MBNL2: variants seen among roughly 807,000 people sequenced by gnomAD.
MBNL2 encodes the protein muscleblind-like protein 2.
Under a neutral mutation model 41.9 loss-of-function variants are expected in MBNL2, and 17 were observed. The observed-to-expected ratio is 0.41, with a 90% CI of 0.28 to 0.61. The LOEUF (loss-of-function observed/expected upper bound fraction) is 0.61, where lower values mean the gene tolerates loss of function less well. Among genes scored for constraint, MBNL2 ranks in the 20% least tolerant of loss-of-function variants. The probability of loss-of-function intolerance (pLI) is 0.35; values close to 1 mark genes in which losing one functional copy is unlikely to be tolerated. For missense variants in MBNL2, 336 were observed against 505.6 expected, an observed-to-expected ratio of 0.66 and a Z score of 3.22; for synonymous variants, 195 against 182.9, an observed-to-expected ratio of 1.07 and a Z score of -0.53.
intron 1 of MBNL2, among the ~76,000 whole-genome samples, chr13:97,270,206 T>C (rs1344349459): frequency 2.6e-5 from 4 of 152,198 alleles, no homozygotes; most frequent in African/African-American, 9.7e-5. Flanking sequence ...TCAGTAGCAA[T>C]AGAATGTGAG....
chr13:97,167,069 G>A, the MBNL2 span, among the ~76,000 whole-genome samples: 1 of 152,122 alleles, frequency 6.6e-6, no homozygotes, highest in Non-Finnish European at 1.5e-5. Context: ...GAATATTACA[G>A]AGCACAGAGT....
chr13:97,203,547 T>C, the MBNL2 span, among the ~76,000 whole-genome samples: 2 of 152,154 alleles, frequency 1.3e-5, no homozygotes, highest in Non-Finnish European at 2.9e-5. Context: ...AAAGCTGCGC[T>C]CACGGGTAAC....
At chr13:97,223,591 A>G (rs1257837598) in intron 1 of MBNL2, among the ~76,000 whole-genome samples, 1 of 152,218 alleles carries the variant, frequency 6.6e-6, no homozygotes. Context: ...TGAATGTTCT[A>G]CAAGAAACAT....
intron 1 of MBNL2, among the ~76,000 whole-genome samples, chr13:97,232,961 T>C (rs1054373783): frequency 6.7e-6 from 1 of 149,876 alleles, no homozygotes; most frequent in African/African-American, 2.5e-5. Context: ...ATAGATACCA[T>C]AGGTAAAAGC....
intron 3 of MBNL2, 37 bp from the exon 4 acceptor site, chr13:97,342,978 TA>T: frequency 3.8e-6 from 5 of 1,321,660 alleles, no homozygotes; most frequent in South Asian, 1.2e-5. Context: ...AGTTTTATTC[TA>T]AATAACTCTT....
the MBNL2 span, among the ~76,000 whole-genome samples, chr13:97,144,314 G>A: frequency 6.6e-6 from 1 of 151,976 alleles, no homozygotes; most frequent in African/African-American, 2.4e-5. Flanking sequence ...ATACCCGTAG[G>A]ATCCTGATAC....
At chr13:97,187,592 T>A in the MBNL2 span, among the ~76,000 whole-genome samples, 1 of 19,578 alleles carries the variant, frequency 5.1e-5, no homozygotes, top group Non-Finnish European at 1.5e-4. Flanking sequence ...ACTATGCAGC[T>A]TAAAAAAAAA....
intron 2 of MBNL2, among the ~76,000 whole-genome samples, chr13:97,311,541 A>G (rs1038104613): frequency 6.6e-6 from 1 of 152,208 alleles, no homozygotes; most frequent in Non-Finnish European, 1.5e-5. Flanking sequence ...ATGGGATTAC[A>G]TTTTTTAATT....
At chr13:97,146,973 GT>G in the MBNL2 span, among the ~76,000 whole-genome samples, 3 of 152,146 alleles carry the variant, frequency 2.0e-5, no homozygotes, top group Admixed American at 2.0e-4. Flanking sequence ...ACCTCTTTTT[GT>G]TTTGTATACT....
intron 4 of MBNL2, among the ~76,000 whole-genome samples, chr13:97,343,710 C>A (rs1396145424): frequency 6.6e-6 from 1 of 152,214 alleles, no homozygotes; most frequent in Non-Finnish European, 1.5e-5. Context: ...GTCTCAAGAA[C>A]AAGCATGGCT....
chr13:97,301,594 G>T (rs901592732), intron 2 of MBNL2, among the ~76,000 whole-genome samples: 2 of 152,172 alleles, frequency 1.3e-5, no homozygotes, highest in African/African-American at 4.8e-5. Context: ...GGTCACCCTG[G>T]TGTCTGAGGT....
At chr13:97,224,628 C>CAAA (rs538498133) in intron 1 of MBNL2, among the ~76,000 whole-genome samples, 1,692 of 107,322 alleles carry the variant, frequency 0.016, 19 homozygotes, top group East Asian at 0.025. Context: ...GACCTTTTAC[C>CAAA]AAAAAAAAAA....
the MBNL2 span, among the ~76,000 whole-genome samples, chr13:97,178,826 G>T: frequency 1.3e-5 from 2 of 152,156 alleles, no homozygotes; most frequent in Non-Finnish European, 2.9e-5. Flanking sequence ...GAGCCCAGGA[G>T]GTCGAGGCTG....
intron 1 of MBNL2, among the ~76,000 whole-genome samples, chr13:97,261,779 G>A: frequency 6.6e-6 from 1 of 152,150 alleles, no homozygotes; most frequent in East Asian, 1.9e-4. Flanking sequence ...AAGCTGCCCT[G>A]GTTTCATTTC....
chr13:97,380,820 C>T (rs991698591), intron 8 of MBNL2, among the ~76,000 whole-genome samples: 6 of 152,006 alleles, frequency 3.9e-5, no homozygotes, highest in Non-Finnish European at 7.4e-5. Context: ...TCCATTTTGC[C>T]GACGATTGGC....
At chr13:97,228,479 C>CAT (rs899217244) in intron 1 of MBNL2, among the ~76,000 whole-genome samples, 3 of 150,678 alleles carry the variant, frequency 2.0e-5, no homozygotes, top group South Asian at 2.1e-4. Context: ...GTGATAGTAA[C>CAT]ATATATATAT....
intron 6 of MBNL2, among the ~76,000 whole-genome samples, chr13:97,357,263 G>C (rs1325455254): frequency 1.3e-5 from 2 of 152,038 alleles, no homozygotes; most frequent in Non-Finnish European, 2.9e-5. Context: ...CTTTTCCTTA[G>C]TTGAGATGCT....
the MBNL2 span, among the ~76,000 whole-genome samples, chr13:97,209,328 C>T: frequency 2.0e-5 from 3 of 152,062 alleles, no homozygotes; most frequent in African/African-American, 7.2e-5. Flanking sequence ...GAGTATTTGC[C>T]CCACTAAGAG....
chr13:97,195,408 T>A, the MBNL2 span, among the ~76,000 whole-genome samples: 1 of 152,144 alleles, frequency 6.6e-6, no homozygotes, highest in African/African-American at 2.4e-5. Flanking sequence ...TGTGTGTGCC[T>A]CAAGGACATA....
Sources: gnomAD v4.1 joint callset for allele counts (sites outside exome capture counted in the v4.1 genomes callset) on GRCh38, gnomAD v4.1.1 for gene constraint, MANE v1.5 for transcripts, NCBI Gene and HGNC (gene_info 2026-07-23, HGNC 2026-07-21) for gene names.